NRXN2: variants seen among roughly 807,000 people sequenced by gnomAD.
The protein encoded by NRXN2 is neurexin 2.
Under a neutral mutation model 128.8 loss-of-function variants are expected in NRXN2, and 29 were observed. That is an observed-to-expected ratio of 0.23 (90% CI 0.17 to 0.31). The LOEUF (loss-of-function observed/expected upper bound fraction) is 0.31, where lower values mean the gene tolerates loss of function less well. Among genes scored for constraint, NRXN2 ranks in the 10% least tolerant of loss-of-function variants. NRXN2 has a pLI of 1.00. For synonymous variants in NRXN2, 1,098 were observed against 1,075.2 expected, an observed-to-expected ratio of 1.02 and a Z score of -0.41; for missense variants, 1,881 against 2,452.6, an observed-to-expected ratio of 0.77 and a Z score of 4.92.
chr11:64,712,111 C>T (rs1374729642), intron 2 of NRXN2, among the ~76,000 whole-genome samples: 1 of 152,174 alleles, frequency 6.6e-6, no homozygotes. Flanking sequence ...GCCACACGGC[C>T]TCGCCCCCTG....
chr11:64,607,258 G>C lies in NRXN2; in HGVS notation c.5077C>G (p.Pro1693Ala). 6.2e-7 allele frequency: 1 copy of C among 1,613,936 alleles called. No homozygotes were observed. The highest frequency in any genetic ancestry group is 8.5e-7 in the Non-Finnish European group (1 of 1,179,946). The change falls in exon 23 of 23, where the codon CCG becomes GCG. Residue 1693 changes from proline to alanine, a missense_variant. Physicochemically the swap from Pro to Ala is conservative, Grantham distance 27. Coordinates refer to ENST00000265459, the MANE Select transcript of NRXN2 (RefSeq NM_015080.4). The part of the protein sequence containing the change: ...SNGAVVKEKA[P>A]AAPKTPSKAK... ...TTGCTGGGCGTCTTGGGGGCAGCCG[G>C]GGCCTTCTCTTTCACCACCGCCCCA...
intron 2 of NRXN2, among the ~76,000 whole-genome samples, chr11:64,709,543 T>A (rs756923262): frequency 6.6e-6 from 1 of 152,164 alleles, no homozygotes; most frequent in African/African-American, 2.4e-5. Flanking sequence ...GCTGTGCCTG[T>A]CATCTCCAGA....
At chr11:64,672,915 G>A (rs990131990) in intron 7 of NRXN2, among the ~76,000 whole-genome samples, 1 of 152,132 alleles carries the variant, frequency 6.6e-6, no homozygotes, top group Non-Finnish European at 1.5e-5. Context: ...GGAATAGAGA[G>A]GAAAGAGGTC....
chr11:64,660,691 C>A lies in NRXN2; in HGVS notation c.2185+62G>T. 4 of 1,603,128 alleles carry A rather than the reference C, an allele frequency of 2.5e-6. No homozygotes were observed. The highest frequency in any genetic ancestry group is 3.4e-6 in the Non-Finnish European group (4 of 1,179,550). ...GCACAGGGATGGAAAGTAGGAGTCA[C>A]CCTGAGAAGGAGGAGCACAGGGATA... is the stretch of plus-strand genomic sequence containing the variant. On this transcript the variant is annotated intron_variant, in intron 10 of 22. Coordinates refer to ENST00000265459, the MANE Select transcript of NRXN2 (RefSeq NM_015080.4). The surrounding 1 kb of genome is among the most constrained non-coding windows in gnomAD (Gnocchi z 5.2).
At chr11:64,686,657 G>A (rs1440929807) in intron 5 of NRXN2, among the ~76,000 whole-genome samples, 1 of 152,196 alleles carries the variant, frequency 6.6e-6, no homozygotes, top group Non-Finnish European at 1.5e-5. Context: ...TCCACCCCCA[G>A]CTCCCTACTC....
At chr11:64,664,073 G>C (rs1482939597) in intron 9 of NRXN2, among the ~76,000 whole-genome samples, 1 of 152,214 alleles carries the variant, frequency 6.6e-6, no homozygotes, top group Non-Finnish European at 1.5e-5. Context: ...TAATGGGCCA[G>C]AGTTTCATTT....
intron 17 of NRXN2, among the ~76,000 whole-genome samples, chr11:64,639,691 G>C (rs906378341): frequency 6.6e-6 from 1 of 152,006 alleles, no homozygotes; most frequent in African/African-American, 2.4e-5. Context: ...GGAAGAGTTG[G>C]GGGGGATGGC....
Position 64,606,303 on chromosome 11 carries a change from G to T in NRXN2, c.*893C>A, listed in dbSNP as rs1459977463. ...GGGGAGCAGGGAGCCCGTGGGCAAA[G>T]AAGTGACCCCAGCAGTCTGTGGACA... On this transcript the variant is annotated 3_prime_UTR_variant, in exon 23 of 23. Transcript: ENST00000265459. The T allele has an allele frequency of 6.6e-6, 1 of 152,572 alleles. No homozygotes were observed. Among genetic ancestry groups the T allele is most frequent in the Non-Finnish European group, 1.5e-5 (1 of 68,040 alleles). The allele number at this position is 152,572 out of a possible 1,614,324, so 9.5% of individuals were successfully genotyped here. A position where few individuals can be genotyped will look rare whatever the true frequency, so the allele number is the denominator to read the frequency against.
rs2043932398 is a variant in NRXN2 at position 64,631,694 on chromosome 11, T to C, written c.3586-1121A>G. 6.6e-6 allele frequency among the ~76,000 whole-genome samples: 1 copy of C among 152,078 alleles called. No individual in the cohort carries two copies. The highest frequency in any genetic ancestry group is 2.4e-5 in the African/African-American group (1 of 41,388). ...TAGTCTGACTTCAAAGCCAGTGTTC[T>C]CTCCCTTTGCCCACCAGTCTAGGAA... On this transcript the variant is annotated intron_variant, in intron 18 of 22. Coordinates refer to ENST00000265459, the MANE Select transcript of NRXN2 (RefSeq NM_015080.4). This position sits in a 1 kb window ranked among gnomAD's most constrained non-coding sequence, Gnocchi z 4.8.
intron 7 of NRXN2, among the ~76,000 whole-genome samples, chr11:64,674,776 A>G (rs1428114878): frequency 1.3e-5 from 2 of 152,254 alleles, no homozygotes; most frequent in Admixed American, 1.3e-4. Context: ...ACACTGAGAT[A>G]ACCAGTTAAC....
In NRXN2 at chr11:64,607,769, G is replaced by A. The variant is rs1246749360; in HGVS notation, c.4566C>T (p.Asp1522=). 1.3e-6 allele frequency: 2 copies of A among 1,590,078 alleles called. No individual in the cohort carries two copies. The highest frequency in any genetic ancestry group is 1.7e-6 in the Non-Finnish European group (2 of 1,168,726). ...DFYTTFPLVT[D]RTTLLSPRKP... ...TGCGGGGTGACAGGAGGGTGGTGCGGTCCGTGACCAGGGGAAAGGTGGTGT... is the reference window on the plus strand; with the variant it reads ...TGCGGGGTGACAGGAGGGTGGTGCGATCCGTGACCAGGGGAAAGGTGGTGT... The change falls in exon 23 of 23, where the codon GAC becomes GAT. Residue 1522 remains aspartate (D), a synonymous_variant. Coordinates refer to ENST00000265459, the MANE Select transcript of NRXN2 (RefSeq NM_015080.4).
At chr11:64,613,399 C>T (rs778593379) in intron 22 of NRXN2, among the ~76,000 whole-genome samples, 6 of 152,336 alleles carry the variant, frequency 3.9e-5, no homozygotes, top group East Asian at 3.9e-4. Flanking sequence ...CCAGGGAACG[C>T]GTCCTTCACC....
chr11:64,641,422 G>A (rs914252533), intron 17 of NRXN2, among the ~76,000 whole-genome samples: 3 of 152,138 alleles, frequency 2.0e-5, no homozygotes, highest in African/African-American at 7.2e-5. Flanking sequence ...GAGATGGAAC[G>A]TGGAGGGACT....
intron 18 of NRXN2, among the ~76,000 whole-genome samples, chr11:64,634,034 C>A (rs1489497609): frequency 6.6e-6 from 1 of 152,158 alleles, no homozygotes; most frequent in Non-Finnish European, 1.5e-5. Context: ...TTAAAAGCTA[C>A]TGTGTAATGA....
Position 64,648,371 on chromosome 11 carries a change from C to A in NRXN2, c.3284-33G>T. The A allele has an allele frequency of 1.2e-6, 2 of 1,613,810 alleles. No individual in the cohort carries two copies. Among genetic ancestry groups the A allele is most frequent in the Non-Finnish European group, 1.7e-6 (2 of 1,179,888 alleles). ...GGGCAGGAGAAAGGAACACCCCTGG[C>A]TCAGCCAAGCCCCCTCTTTCCCCAG... is the stretch of plus-strand genomic sequence containing the variant. On this transcript the variant is annotated intron_variant, in intron 16 of 22. Transcript: ENST00000265459. The surrounding 1 kb of genome is among the most constrained non-coding windows in gnomAD (Gnocchi z 4.1).
chr11:64,643,935 G>A (rs896138243), intron 17 of NRXN2, among the ~76,000 whole-genome samples: 1 of 145,724 alleles, frequency 6.9e-6, no homozygotes, highest in African/African-American at 2.5e-5. Flanking sequence ...ATGCCGCGGC[G>A]GCCACCTCTG....
intron 11 of NRXN2, among the ~76,000 whole-genome samples, chr11:64,654,928 G>C (rs1168748348): frequency 1.3e-5 from 2 of 152,170 alleles, no homozygotes; most frequent in Non-Finnish European, 2.9e-5. Context: ...TGAGGGAATG[G>C]ATAACAGTAG....
chr11:64,649,509 C>T (rs1448063304), intron 15 of NRXN2, among the ~76,000 whole-genome samples: 1 of 152,222 alleles, frequency 6.6e-6, no homozygotes, highest in Admixed American at 6.5e-5. Context: ...CAGTCTGCTG[C>T]CCTGGCCACG....
chr11:64,658,026 T>C (rs954110293), intron 11 of NRXN2, among the ~76,000 whole-genome samples: 7 of 152,132 alleles, frequency 4.6e-5, no homozygotes, highest in Non-Finnish European at 8.8e-5. Flanking sequence ...AGTGTGCCCA[T>C]GGAGAGGAGA....
Sources: gnomAD v4.1 joint callset for allele counts (sites outside exome capture counted in the v4.1 genomes callset) on GRCh38, gnomAD v4.1.1 for gene constraint, Gnocchi (gnomAD v3.1) non-coding constraint, MANE v1.5 for transcripts, NCBI Gene and HGNC (gene_info 2026-07-23, HGNC 2026-07-21) for gene names.